SNRPE: variants seen among roughly 807,000 people sequenced by gnomAD.
The protein encoded by SNRPE is small nuclear ribonucleoprotein E.
For synonymous variants in SNRPE, 35 were observed against 36.7 expected (o/e 0.95, Z 0.17); for missense variants, 53 against 111.6 (o/e 0.48, Z 2.36).
chr1:203,863,485 T>A, intron 2 of SNRPE, 178 bp from the exon 3 acceptor site: 1 of 514,606 alleles, frequency 1.9e-6, no homozygotes. Context: ...GCCCAGCTAA[T>A]TTTTTTTGTA....
At chr1:203,866,907 A>G (rs1690098589) in intron 4 of SNRPE, among the ~76,000 whole-genome samples, 1 of 151,748 alleles carries the variant, frequency 6.6e-6, no homozygotes, top group African/African-American at 2.4e-5. Flanking sequence ...GATTTGCCCA[A>G]CCATTAATCT....
chr1:203,870,050 G>A lies in SNRPE; in HGVS notation c.*118G>A. On this transcript the variant is annotated 3_prime_UTR_variant, in exon 5 of 5. Coordinates refer to ENST00000414487, the MANE Select transcript of SNRPE (RefSeq NM_003094.4). ...ATTACCCTCGTGTTACTACAAGATGGCAATAAATACTATGGGATTGTTTGT... is the reference window on the plus strand; with the variant it reads ...ATTACCCTCGTGTTACTACAAGATGACAATAAATACTATGGGATTGTTTGT... The A allele has an allele frequency of 5.0e-6, 3 of 604,098 alleles. No homozygotes were observed. Among genetic ancestry groups the A allele is most frequent in the East Asian group, 3.0e-5 (1 of 32,824 alleles). 37.4% of individuals were successfully genotyped at this position (604,098 alleles called of 1,614,324 possible). A position where few individuals can be genotyped will look rare whatever the true frequency, so the allele number is the denominator to read the frequency against.
chr1:203,866,697 C>G (rs1349190024), intron 4 of SNRPE, among the ~76,000 whole-genome samples: 3 of 152,114 alleles, frequency 2.0e-5, no homozygotes, highest in African/African-American at 7.2e-5. Flanking sequence ...TTTAAAAACA[C>G]CAGTCTGAAC....
At chr1:203,868,148 C>T (rs1192257446) in intron 4 of SNRPE, among the ~76,000 whole-genome samples, 2 of 152,062 alleles carry the variant, frequency 1.3e-5, no homozygotes, top group Non-Finnish European at 2.9e-5. Context: ...CTCTGCCTCC[C>T]AGGTTCAAGC....
At chr1:203,869,411 A>G (rs563137896) in intron 4 of SNRPE, among the ~76,000 whole-genome samples, 4 of 147,712 alleles carry the variant, frequency 2.7e-5, no homozygotes, top group African/African-American at 1.0e-4. Flanking sequence ...GATTCAAGCA[A>G]TTCTCCTGCC....
At chr1:203,861,836 A>C in intron 1 of SNRPE, 123 bp downstream of exon 1, 1 of 800,374 alleles carries the variant, frequency 1.2e-6, no homozygotes, top group Non-Finnish European at 2.2e-6. Context: ...CCCCGGGGCT[A>C]CCAAGACTGG....
intron 3 of SNRPE, among the ~76,000 whole-genome samples, 150 bp from the exon 4 acceptor site, chr1:203,864,876 CAAAAAAAAAAAAAAA>C (rs61506397): frequency 8.4e-6 from 1 of 119,292 alleles, no homozygotes; most frequent in Admixed American, 9.7e-5. Flanking sequence ...GATCCTTTCT[CAAAAAAAAAAAAAAA>C]AAAAAAAAAA....
chr1:203,861,617 T>C lies in SNRPE; in HGVS notation c.-43T>C, dbSNP rs942887456. 2 of 1,544,552 alleles carry C rather than the reference T, an allele frequency of 1.3e-6. No homozygotes were observed. The highest frequency in any genetic ancestry group is 2.2e-5 in the East Asian group (1 of 44,556). ...TCCGGTTCTTTATTCCGGAAGTTGCTCTCAGAGGCAGCGTGCGGGTGTGCT... is the reference window on the plus strand; with the variant it reads ...TCCGGTTCTTTATTCCGGAAGTTGCCCTCAGAGGCAGCGTGCGGGTGTGCT... On this transcript the variant is annotated 5_prime_UTR_variant, in exon 1 of 5. Coordinates refer to ENST00000414487, the MANE Select transcript of SNRPE (RefSeq NM_003094.4).
At chr1:203,869,389 C>G (rs898279347) in intron 4 of SNRPE, among the ~76,000 whole-genome samples, 1 of 140,896 alleles carries the variant, frequency 7.1e-6, no homozygotes, top group Non-Finnish European at 1.5e-5. Context: ...TCACTGCAAC[C>G]TCCGCCTCCC....
At chr1:203,862,087 G>T in intron 1 of SNRPE, 109 bp from the exon 2 acceptor site, 1 of 859,332 alleles carries the variant, frequency 1.2e-6, no homozygotes, top group South Asian at 1.4e-5. Flanking sequence ...GTAAGCACCA[G>T]ACCTCGCGTT....
intron 4 of SNRPE, among the ~76,000 whole-genome samples, chr1:203,869,081 C>T (rs7542275): frequency 0.76 from 115,183 of 152,060 alleles, 43,734 homozygotes; most frequent in East Asian, 0.8. Context: ...AGTATTTATC[C>T]TGTAGAATAG....
At chr1:203,861,772 C>A in intron 1 of SNRPE, 59 bp downstream of exon 1, 2 of 1,282,676 alleles carry the variant, frequency 1.6e-6, no homozygotes, top group Non-Finnish European at 2.3e-6. Context: ...GGTGCGAAGG[C>A]GCAGGCTGAG....
intron 4 of SNRPE, among the ~76,000 whole-genome samples, chr1:203,867,810 GA>G (rs35681885): frequency 0.085 from 12,991 of 152,250 alleles, 840 homozygotes; most frequent in Non-Finnish European, 0.13. Context: ...CAGGGGTTAG[GA>G]AGCCCTGCTC....
At chr1:203,862,275 T>A (rs1353529279) in intron 2 of SNRPE, 53 bp downstream of exon 2, 2 of 1,340,000 alleles carry the variant, frequency 1.5e-6, no homozygotes, top group Admixed American at 1.7e-5. Context: ...GTGAACTGAT[T>A]TAGTTTTTTG....
chr1:203,865,965 G>A (rs931810304), intron 4 of SNRPE, among the ~76,000 whole-genome samples: 4 of 152,158 alleles, frequency 2.6e-5, no homozygotes, highest in Non-Finnish European at 5.9e-5. Flanking sequence ...CACATGTTGA[G>A]CTATCAGAAC....
At chr1:203,861,803 G>A (rs41300861) in intron 1 of SNRPE, 90 bp downstream of exon 1, 50,248 of 977,898 alleles carry the variant, frequency 0.051, 1,781 homozygotes, top group Non-Finnish European at 0.061. Context: ...GGATAGTGGA[G>A]TACGGATCCA....
chr1:203,862,270 C>G, intron 2 of SNRPE, 48 bp downstream of exon 2: 3 of 1,364,358 alleles, frequency 2.2e-6, no homozygotes, highest in Non-Finnish European at 3.2e-6. Flanking sequence ...AAGAGGTGAA[C>G]TGATTTAGTT....
chr1:203,861,926 A>G (rs1689985889), intron 1 of SNRPE: 3 of 616,244 alleles, frequency 4.9e-6, no homozygotes, highest in Admixed American at 2.8e-5. Flanking sequence ...GCAGGAATGG[A>G]CGCGGCAAAA....
intron 3 of SNRPE, among the ~76,000 whole-genome samples, chr1:203,864,458 G>T (rs1378225872): frequency 1.3e-5 from 2 of 151,362 alleles, no homozygotes; most frequent in African/African-American, 4.9e-5. Flanking sequence ...TTAAGTTGGG[G>T]TCCGGCTCTG....
Sources: gnomAD v4.1 joint callset for allele counts (sites outside exome capture counted in the v4.1 genomes callset) on GRCh38, gnomAD v4.1.1 for gene constraint, MANE v1.5 for transcripts, NCBI Gene and HGNC (gene_info 2026-07-23, HGNC 2026-07-21) for gene names.